The following COQ2 variants were observed in gnomAD, a reference collection of about 807,000 sequenced individuals.
COQ2 encodes the protein coenzyme Q2, polyprenyltransferase.
A neutral mutation model predicts 35.7 loss-of-function variants in COQ2; 25 were observed. The ratio of observed to expected loss-of-function variants is 0.70; its 90% CI spans 0.51 to 0.98. The LOEUF (loss-of-function observed/expected upper bound fraction) is 0.98, where lower values mean the gene tolerates loss of function less well. Ranked by LOEUF, COQ2 falls within the 50% of genes least tolerant of loss-of-function variation. The pLI is 0.00. For synonymous variants in COQ2, 206 were observed against 186.2 expected, an observed-to-expected ratio of 1.11 and a Z score of -0.86; for missense variants, 488 against 473.5, an observed-to-expected ratio of 1.03 and a Z score of -0.28.
intron 6 of COQ2, among the ~76,000 whole-genome samples, chr4:83,265,675 T>A (rs1372204777): frequency 6.6e-6 from 1 of 152,148 alleles, no homozygotes; most frequent in African/African-American, 2.4e-5. Context: ...TTTCTTCCTT[T>A]GTTTTTGAGA....
At chr4:83,282,537 T>C (rs1735349505) in intron 1 of COQ2, 1 of 828,034 alleles carries the variant, frequency 1.2e-6, no homozygotes. Flanking sequence ...GATCACCTTA[T>C]TTAGAACCAA....
chr4:83,272,040 T>C lies in COQ2; in HGVS notation c.628+47A>G, dbSNP rs1286504810. ...ATTTACCTATCTCTCCATAAAAGTGTAGTTTGCAAATATCAAAGGAAATAC... is the reference window on the plus strand; with the variant it reads ...ATTTACCTATCTCTCCATAAAAGTGCAGTTTGCAAATATCAAAGGAAATAC... On this transcript the variant is annotated intron_variant, in intron 4 of 6. Coordinates refer to ENST00000647002, the MANE Select transcript of COQ2 (RefSeq NM_001358921.2). 5.8e-6 allele frequency: 7 copies of C among 1,211,634 alleles called. 1 individual carries two copies. Among genetic ancestry groups the C allele is most frequent in the South Asian group, 2.7e-5 (2 of 72,998 alleles). The allele number at this position is 1,211,634 out of a possible 1,614,324, so 75.1% of individuals were successfully genotyped here. A position where few individuals can be genotyped will look rare whatever the true frequency, so the allele number is the denominator to read the frequency against.
At chr4:83,283,757 A>T in intron 1 of COQ2, 1 of 985,474 alleles carries the variant, frequency 1.0e-6, no homozygotes, top group Non-Finnish European at 1.2e-6. Context: ...TGGAGAAGCC[A>T]ATCAATCAAC....
chr4:83,267,511 G>T (rs2126171522), intron 6 of COQ2, 75 bp downstream of exon 6: 1 of 1,335,658 alleles, frequency 7.5e-7, no homozygotes, highest in East Asian at 2.6e-5. Context: ...GGTAAACACA[G>T]AGGGCATACT....
chr4:83,282,836 A>G (rs371683729), intron 1 of COQ2, among the ~76,000 whole-genome samples: 8 of 152,162 alleles, frequency 5.3e-5, no homozygotes, highest in South Asian at 2.1e-4. Flanking sequence ...TTTGGCTCCA[A>G]AGTTTTGCTC....
chr4:83,284,422 GC>G, intron 1 of COQ2, 89 bp downstream of exon 1: 3 of 1,451,968 alleles, frequency 2.1e-6, no homozygotes, highest in Non-Finnish European at 2.7e-6. Flanking sequence ...TTTCCATCAC[GC>G]CCCGGCCGGC....
intron 6 of COQ2, among the ~76,000 whole-genome samples, chr4:83,266,469 C>T (rs573246217): frequency 3.3e-5 from 5 of 151,660 alleles, no homozygotes; most frequent in East Asian, 1.9e-4. Flanking sequence ...GCGATTCTCC[C>T]GCCTCAGCCT....
At chr4:83,281,319 C>T (rs548012768) in intron 1 of COQ2, 1 of 152,220 alleles carries the variant, frequency 6.6e-6, no homozygotes, top group East Asian at 1.9e-4. Flanking sequence ...GAAGGTTCCA[C>T]TAAAAAGAAA....
intron 3 of COQ2, 64 bp downstream of exon 3, chr4:83,273,432 T>C: frequency 6.7e-7 from 1 of 1,499,242 alleles, no homozygotes; most frequent in South Asian, 1.2e-5. Context: ...TATTTCATTT[T>C]ATTCCTATTT....
chr4:83,284,431 G>C, intron 1 of COQ2, 81 bp downstream of exon 1: 1 of 1,472,954 alleles, frequency 6.8e-7, no homozygotes, highest in Non-Finnish European at 9.0e-7. Flanking sequence ...CGCCCCGGCC[G>C]GCCGCCGCGG....
chr4:83,273,236 C>T (rs1409822472), intron 3 of COQ2, among the ~76,000 whole-genome samples: 1 of 152,156 alleles, frequency 6.6e-6, no homozygotes, highest in Non-Finnish European at 1.5e-5. Context: ...TATGAAATTG[C>T]CTTGTGTCCC....
chr4:83,272,986 C>T (rs187755181), intron 3 of COQ2, among the ~76,000 whole-genome samples: 27 of 152,204 alleles, frequency 1.8e-4, no homozygotes, highest in Admixed American at 1.4e-3. Flanking sequence ...CTTTGTAAAC[C>T]GCAATCTGAT....
chr4:83,272,866 A>G (rs1455347576), intron 3 of COQ2, among the ~76,000 whole-genome samples: 1 of 152,204 alleles, frequency 6.6e-6, no homozygotes, highest in Non-Finnish European at 1.5e-5. Flanking sequence ...CCTTCCAGAA[A>G]TAACCTTCCA....
intron 1 of COQ2, chr4:83,284,091 A>T: frequency 1.0e-6 from 1 of 985,420 alleles, no homozygotes; most frequent in Non-Finnish European, 1.2e-6. Flanking sequence ...GCCTTACAAG[A>T]TTGCGGGGAG....
intron 6 of COQ2, among the ~76,000 whole-genome samples, chr4:83,264,870 T>C (rs1181911111): frequency 6.6e-6 from 1 of 152,166 alleles, no homozygotes; most frequent in Non-Finnish European, 1.5e-5. Context: ...GCAAAGTTTC[T>C]CAATGGAGAA....
In COQ2 at chr4:83,273,484, C is replaced by G. The variant is rs369421547; in HGVS notation, c.542+12G>C. 7 of 1,602,940 alleles carry G rather than the reference C, an allele frequency of 4.4e-6. No individual in the cohort carries two copies. Among genetic ancestry groups the G allele is most frequent in the Non-Finnish European group, 6.0e-6 (7 of 1,176,138 alleles). On this transcript the variant is annotated intron_variant, in intron 3 of 6. Coordinates refer to ENST00000647002, the MANE Select transcript of COQ2 (RefSeq NM_001358921.2). ...GAGATTTTATACATGATGTGGAAAA[C>G]GTTTAATATACCTGTAGTAATTTAG...
rs1160184950 is a variant in COQ2, at chr4:83,284,609, G to C, written c.156C>G (p.Arg52=). The change falls in exon 1 of 7, where the codon CGC becomes CGG. Residue 52 remains arginine (R), a synonymous_variant. Coordinates refer to ENST00000647002, the MANE Select transcript of COQ2 (RefSeq NM_001358921.2). ...DLQPPACPEP[R]GRQLSLSAAA... is the part of the protein sequence containing the mutation. ...CCGCGGACAAACTGAGCTGGCGCCC[G>C]CGCGGCTCGGGACAGGCGGGGGGCT... is the stretch of plus-strand genomic sequence containing the variant. 2.0e-6 allele frequency: 3 copies of C among 1,533,460 alleles called. No individual in the cohort carries two copies. The highest frequency in any genetic ancestry group is 5.2e-5 in the East Asian group (2 of 38,494). 95.0% of individuals were successfully genotyped at this position (1,533,460 alleles called of 1,614,324 possible).
At chr4:83,276,068 T>TTTATATAATATATAAAATATATA (rs1560494792) in intron 2 of COQ2, among the ~76,000 whole-genome samples, 3 of 10,180 alleles carry the variant, frequency 2.9e-4, no homozygotes, top group African/African-American at 3.6e-4. Context: ...TAATATATAT[T>TTTATATAATATATAAAATATATA]TTATATATAA....
chr4:83,283,277 A>G, intron 1 of COQ2: 1 of 985,440 alleles, frequency 1.0e-6, no homozygotes, highest in Non-Finnish European at 1.2e-6. Flanking sequence ...ACATCTCCAT[A>G]CACTGCAATG....
Sources: allele counts gnomAD v4.1 joint callset (sites outside exome capture counted in the v4.1 genomes callset), GRCh38; gene constraint gnomAD v4.1.1; transcripts MANE v1.5; gene names NCBI Gene and HGNC (gene_info 2026-07-23, HGNC 2026-07-21).